The following CDH8 variants were observed in gnomAD, a reference collection of about 807,000 sequenced individuals.
CDH8 encodes the protein cadherin 8.
CDH8 carries 17 observed loss-of-function variants against 68.1 expected under a neutral mutation model. The ratio of observed to expected loss-of-function variants is 0.25; its 90% confidence interval spans 0.17 to 0.37. The LOEUF is 0.37. Among genes scored for constraint, CDH8 ranks in the 10% least tolerant of loss-of-function variants. CDH8 has a pLI of 1.00. For missense variants in CDH8, 763 were observed against 999.3 expected (o/e 0.76, Z 3.19); for synonymous variants, 372 against 365.1 (o/e 1.02, Z -0.21).
chr16:61,667,422 CAGA>C (rs764469271), intron 10 of CDH8: 9 of 152,110 alleles, frequency 5.9e-5, no homozygotes, highest in East Asian at 3.9e-4. Context: ...CATTTTAATA[CAGA>C]AGATCACTTG....
intron 3 of CDH8, among the ~76,000 whole-genome samples, chr16:61,871,268 C>A (rs1346344074): frequency 2.6e-5 from 4 of 151,852 alleles, no homozygotes; most frequent in Non-Finnish European, 5.9e-5. Context: ...GCAGCCTCGA[C>A]CTCCCAGGCT....
intron 8 of CDH8, among the ~76,000 whole-genome samples, chr16:61,780,462 A>G (rs1220874431): frequency 6.6e-6 from 1 of 152,248 alleles, no homozygotes; most frequent in East Asian, 1.9e-4. Context: ...TCATTAAGAG[A>G]TAACAGATGG....
chr16:61,707,420 C>G (rs1964553841), intron 10 of CDH8, among the ~76,000 whole-genome samples: 1 of 152,090 alleles, frequency 6.6e-6, no homozygotes, highest in East Asian at 1.9e-4. Flanking sequence ...AGAGCTAACC[C>G]TAAATATTCC....
At chr16:61,879,795 A>T (rs1213334233) in intron 3 of CDH8, among the ~76,000 whole-genome samples, 1 of 152,338 alleles carries the variant, frequency 6.6e-6, no homozygotes, top group Admixed American at 6.5e-5. Flanking sequence ...AAGGAACAAT[A>T]TAAGCACAAG....
At chr16:62,026,618 T>A (rs1487975676) in intron 1 of CDH8, among the ~76,000 whole-genome samples, 1 of 152,220 alleles carries the variant, frequency 6.6e-6, no homozygotes, top group African/African-American at 2.4e-5. Context: ...TATGCAATTT[T>A]ATATGATGTG....
chr16:61,997,076 T>C, intron 2 of CDH8, among the ~76,000 whole-genome samples: 1 of 152,086 alleles, frequency 6.6e-6, no homozygotes. Context: ...TAAAAAAGAA[T>C]AATTCTTCTC....
intron 1 of CDH8, among the ~76,000 whole-genome samples, chr16:62,023,153 T>G (rs1234466189): frequency 6.6e-6 from 1 of 152,128 alleles, no homozygotes; most frequent in Non-Finnish European, 1.5e-5. Context: ...AAACTTAAAC[T>G]AAACAAAATT....
rs113885361 is a variant in CDH8, at chr16:61,857,222, G to A, written c.564C>T (p.Asn188=). Residue 188 remains asparagine, a synonymous_variant, in exon 4 of 12, where the codon AAC becomes AAT. Transcript: ENST00000577390. ...EMSILGTSVT[N]VTATDADDPV... is the part of the protein sequence containing the mutation. Reference sequence around the variant, plus strand: ...GGTCATCAGCGTCGGTCGCAGTGACGTTAGTGACAGATGTACCTAATAAAA... The same window carrying A: ...GGTCATCAGCGTCGGTCGCAGTGACATTAGTGACAGATGTACCTAATAAAA... 34 of 1,612,420 alleles carry A rather than the reference G, an allele frequency of 2.1e-5. No homozygotes were observed. Among genetic ancestry groups the A allele is most frequent in the East Asian group, 8.9e-5 (4 of 44,788 alleles).
At chr16:61,782,463 T>C (rs545145557) in intron 8 of CDH8, among the ~76,000 whole-genome samples, 6 of 152,044 alleles carry the variant, frequency 3.9e-5, no homozygotes, top group Admixed American at 6.5e-5. Context: ...CGCTGATTGC[T>C]AGCACAGCAG....
rs548198197 is a variant in CDH8, at chr16:61,764,729, C to T, written c.1414+24617G>A. On this transcript the variant is annotated intron_variant, in intron 8 of 11. Transcript: ENST00000577390. ...CATTTTAATGTACAGAAATATTTTA[C>T]CCCCCTTCCCTTTAGGATATAAATA... 2.6e-5 allele frequency among the ~76,000 whole-genome samples: 4 copies of T among 152,048 alleles called. No homozygotes were observed. The East Asian group carries it at 7.7e-4, about 29-fold the overall frequency.
chr16:61,765,374 A>G (rs1960562461), intron 8 of CDH8, among the ~76,000 whole-genome samples: 1 of 152,048 alleles, frequency 6.6e-6, no homozygotes, highest in Non-Finnish European at 1.5e-5. Flanking sequence ...CATTATAGCC[A>G]TGATTTCAAA....
intron 2 of CDH8, among the ~76,000 whole-genome samples, chr16:61,922,163 A>G (rs1468046686): frequency 6.6e-6 from 1 of 152,216 alleles, no homozygotes; most frequent in Non-Finnish European, 1.5e-5. Context: ...CCAATAATTT[A>G]GGACAGATTT....
At chr16:61,690,081 T>C (rs1480733771) in intron 10 of CDH8, among the ~76,000 whole-genome samples, 2 of 152,064 alleles carry the variant, frequency 1.3e-5, no homozygotes, top group Non-Finnish European at 2.9e-5. Flanking sequence ...AGGAAGTGTG[T>C]TGAACATATG....
chr16:61,655,375 C>T, intron 11 of CDH8, 95 bp downstream of exon 11: 1 of 1,250,042 alleles, frequency 8.0e-7, no homozygotes, highest in Non-Finnish European at 1.1e-6. Flanking sequence ...CAACGGAATG[C>T]TCTTGCCTGT....
At chr16:61,948,457 A>C (rs900979197) in intron 2 of CDH8, among the ~76,000 whole-genome samples, 2 of 152,194 alleles carry the variant, frequency 1.3e-5, no homozygotes, top group African/African-American at 4.8e-5. Flanking sequence ...CTCCAAGTGG[A>C]AAATATGCTG....
chr16:61,823,998 G>A (rs188302295), intron 5 of CDH8, among the ~76,000 whole-genome samples: 10 of 151,984 alleles, frequency 6.6e-5, no homozygotes, highest in Admixed American at 2.6e-4. Context: ...GGATTCTTCA[G>A]AATAGCAAAG....
At chr16:61,843,080 T>C (rs1962723156) in intron 4 of CDH8, among the ~76,000 whole-genome samples, 1 of 152,132 alleles carries the variant, frequency 6.6e-6, no homozygotes, top group Non-Finnish European at 1.5e-5. Context: ...GCTGTGGGTC[T>C]GAACACACAG....
intron 10 of CDH8, among the ~76,000 whole-genome samples, chr16:61,664,928 G>A (rs1046873941): frequency 1.3e-5 from 2 of 151,956 alleles, no homozygotes; most frequent in Admixed American, 1.3e-4. Flanking sequence ...TGGAAATCAA[G>A]GGATATTCTT....
chr16:61,771,474 A>C (rs1251462660), intron 8 of CDH8, among the ~76,000 whole-genome samples: 1 of 97,478 alleles, frequency 1.0e-5, no homozygotes, highest in Admixed American at 1.1e-4. Context: ...AAGCCAGCCA[A>C]AAAAAAAAAA....
Sources: allele counts gnomAD v4.1 joint callset (sites outside exome capture counted in the v4.1 genomes callset), GRCh38; gene constraint gnomAD v4.1.1; transcripts MANE v1.5; gene names NCBI Gene and HGNC (gene_info 2026-07-23, HGNC 2026-07-21).